Variants in RGS5 observed in about 807,000 individuals in gnomAD.
RGS5 encodes the protein regulator of G protein signaling 5, also known as regulator of G-protein signalling 5.
RGS5 carries 20 observed loss-of-function variants against 18.9 expected under a neutral mutation model. The observed-to-expected ratio is 1.06, with a 90% CI of 0.74 to 1.54. The LOEUF (loss-of-function observed/expected upper bound fraction) is 1.54, where lower values mean the gene tolerates loss of function less well. RGS5 is among the 40% of genes most tolerant of loss of function. The pLI is 0.00. For missense variants in RGS5, 201 were observed against 211.8 expected, an observed-to-expected ratio of 0.95 and a Z score of 0.32; for synonymous variants, 57 against 76.2, an observed-to-expected ratio of 0.75 and a Z score of 1.31.
At chr1:163,194,181 T>G (rs915441074) in intron 1 of RGS5, among the ~76,000 whole-genome samples, 5 of 152,178 alleles carry the variant, frequency 3.3e-5, no homozygotes, top group African/African-American at 1.2e-4. Context: ...CATATTAATA[T>G]ATACTTTTCA....
intron 3 of RGS5, among the ~76,000 whole-genome samples, chr1:163,156,121 A>C (rs1186060483): frequency 1.3e-5 from 2 of 152,322 alleles, no homozygotes; most frequent in East Asian, 1.9e-4. Context: ...AGGGGGGATA[A>C]AAATGAAGTC....
At chr1:163,298,797 T>C (rs1408110633) in intron 2 of RGS5, among the ~76,000 whole-genome samples, 2 of 152,168 alleles carry the variant, frequency 1.3e-5, no homozygotes, top group Non-Finnish European at 2.9e-5. Context: ...CCCTTTCTTG[T>C]ATTTGCTGTT....
chr1:163,285,174 T>C (rs1649111600), intron 2 of RGS5, among the ~76,000 whole-genome samples: 1 of 152,154 alleles, frequency 6.6e-6, no homozygotes, highest in Admixed American at 6.5e-5. Flanking sequence ...AAGATGAGAT[T>C]TGGCTGGGGT....
chr1:163,258,407 G>T (rs1289717281), intron 2 of RGS5, among the ~76,000 whole-genome samples: 1 of 152,058 alleles, frequency 6.6e-6, no homozygotes, highest in Non-Finnish European at 1.5e-5. Flanking sequence ...CTATGTCTTT[G>T]TACAATAACT....
chr1:163,276,867 C>T (rs148840658), intron 2 of RGS5, among the ~76,000 whole-genome samples: 20 of 152,300 alleles, frequency 1.3e-4, no homozygotes, highest in Non-Finnish European at 8.8e-5. Flanking sequence ...TTTGAACCTA[C>T]CCCTCCTCTC....
At chr1:163,298,461 A>G (rs1649476835) in intron 2 of RGS5, among the ~76,000 whole-genome samples, 1 of 152,140 alleles carries the variant, frequency 6.6e-6, no homozygotes. Context: ...TTTTTATAGC[A>G]TCCTGAGCTA....
rs1184849008 is a variant in RGS5, at chr1:163,143,254, C to CTA, written c.*4086_*4087dup. 4 of 152,186 alleles carry CTA rather than the reference C, an allele frequency of 2.6e-5. No homozygotes were observed. The highest frequency in any genetic ancestry group is 9.6e-5 in the African/African-American group (4 of 41,456). 9.4% of individuals were successfully genotyped at this position (152,186 alleles called of 1,614,324 possible). A position where few individuals can be genotyped will look rare whatever the true frequency, so the allele number is the denominator to read the frequency against. On this transcript the variant is annotated 3_prime_UTR_variant, in exon 5 of 5. Transcript: ENST00000313961. ...GTGCTTGTCTAATAGAATGAAGAGACTATAAGCCAGAGAGGTTTAATAGCA... is the reference window on the plus strand; with the variant it reads ...GTGCTTGTCTAATAGAATGAAGAGACTATATAAGCCAGAGAGGTTTAATAGCA...
At chr1:163,230,896 AAAAT>A (rs1453426860) in intron 2 of RGS5, among the ~76,000 whole-genome samples, 3 of 152,272 alleles carry the variant, frequency 2.0e-5, no homozygotes, top group Non-Finnish European at 4.4e-5. Context: ...TCCTTTTAAA[AAAAT>A]CCACAGAGAC....
At chr1:163,245,163 C>G (rs575316390) in intron 2 of RGS5, 1 of 152,132 alleles carries the variant, frequency 6.6e-6, no homozygotes, top group Non-Finnish European at 1.5e-5. Context: ...CTTTAAAATT[C>G]TTTCTTTTGT....
intron 2 of RGS5, among the ~76,000 whole-genome samples, chr1:163,271,416 G>A (rs767851641): frequency 6.6e-6 from 1 of 152,060 alleles, no homozygotes; most frequent in East Asian, 1.9e-4. Context: ...ACTCGGGCTC[G>A]CTGTCTCTGC....
At chr1:163,152,476 C>T in intron 4 of RGS5, 74 bp downstream of exon 4, 1 of 1,466,286 alleles carries the variant, frequency 6.8e-7, no homozygotes, top group Non-Finnish European at 9.2e-7. Flanking sequence ...AACGGGAGGT[C>T]TGTGTCTCAG....
At chr1:163,308,144 A>G (rs1033081129) in intron 1 of RGS5, among the ~76,000 whole-genome samples, 4 of 152,216 alleles carry the variant, frequency 2.6e-5, no homozygotes, top group African/African-American at 9.6e-5. Context: ...TAATTTTTAC[A>G]CAAGTCAGCA....
chr1:163,308,940 T>A (rs1649780389), intron 1 of RGS5, among the ~76,000 whole-genome samples: 1 of 152,202 alleles, frequency 6.6e-6, no homozygotes, highest in Non-Finnish European at 1.5e-5. Flanking sequence ...AAATCCTAAG[T>A]TAAAAATACT....
intron 1 of RGS5, among the ~76,000 whole-genome samples, chr1:163,213,833 A>G (rs1660161687): frequency 6.6e-6 from 1 of 151,994 alleles, no homozygotes; most frequent in Non-Finnish European, 1.5e-5. Flanking sequence ...AAAAACACTC[A>G]TTTCTAATTA....
chr1:163,214,020 G>A (rs551400867), intron 1 of RGS5, among the ~76,000 whole-genome samples: 57 of 152,040 alleles, frequency 3.7e-4, no homozygotes, highest in African/African-American at 1.3e-3. Flanking sequence ...ATAATTAATC[G>A]ATTGAACTCT....
chr1:163,313,033 CAG>C (rs1195949261), intron 1 of RGS5, among the ~76,000 whole-genome samples: 1 of 152,136 alleles, frequency 6.6e-6, no homozygotes, highest in African/African-American at 2.4e-5. Flanking sequence ...AAAAATATAA[CAG>C]GGTGAAATAA....
At chr1:163,313,953 C>T (rs1203941891) in intron 1 of RGS5, among the ~76,000 whole-genome samples, 1 of 151,640 alleles carries the variant, frequency 6.6e-6, no homozygotes, top group Non-Finnish European at 1.5e-5. Flanking sequence ...AGATATGTGA[C>T]CTTGAGCTAG....
intron 1 of RGS5, among the ~76,000 whole-genome samples, chr1:163,321,112 TA>T (rs1571364718): frequency 6.6e-6 from 1 of 152,088 alleles, no homozygotes; most frequent in African/African-American, 2.4e-5. Context: ...AAATACCATG[TA>T]AAAAAATACA....
intron 2 of RGS5, among the ~76,000 whole-genome samples, chr1:163,253,371 C>T (rs928952807): frequency 1.3e-5 from 2 of 152,112 alleles, no homozygotes; most frequent in East Asian, 1.9e-4. Context: ...AGAAGTGGCA[C>T]GATCTCAGCT....
Sources: allele counts gnomAD v4.1 joint callset (sites outside exome capture counted in the v4.1 genomes callset), GRCh38; gene constraint gnomAD v4.1.1; transcripts MANE v1.5; gene names NCBI Gene and HGNC (gene_info 2026-07-23, HGNC 2026-07-21).